The following LMBR1 variants were observed in gnomAD, a reference collection of about 807,000 sequenced individuals.
LMBR1 encodes limb development membrane protein 1.
A neutral mutation model predicts 73.9 loss-of-function variants in LMBR1; 52 were observed. The observed-to-expected ratio is 0.70, with a 90% CI of 0.56 to 0.89. The LOEUF is 0.89. LMBR1 is among the 40% of genes least tolerant of loss of function. The pLI is 0.00. For synonymous variants in LMBR1, 215 were observed against 209.4 expected (o/e 1.03, Z -0.23); for missense variants, 539 against 579.8 (o/e 0.93, Z 0.72).
At chr7:156,698,807 AT>A (rs1330799936) in intron 15 of LMBR1, among the ~76,000 whole-genome samples, 2 of 152,060 alleles carry the variant, frequency 1.3e-5, no homozygotes, top group African/African-American at 4.8e-5. Context: ...TTTCCCCATT[AT>A]CTTGGTGATT....
intron 4 of LMBR1, among the ~76,000 whole-genome samples, chr7:156,824,086 T>C (rs1835233387): frequency 7.2e-6 from 1 of 138,534 alleles, no homozygotes. Flanking sequence ...AGAGACTCCA[T>C]CTCAAAAAAC....
intron 9 of LMBR1, among the ~76,000 whole-genome samples, chr7:156,737,948 T>C (rs1037029466): frequency 7.9e-5 from 12 of 152,108 alleles, no homozygotes; most frequent in Non-Finnish European, 1.8e-4. Context: ...CCTCTACCGA[T>C]TGTCCCTGCT....
At chr7:156,796,791 C>T (rs1373459443) in intron 4 of LMBR1, among the ~76,000 whole-genome samples, 1 of 151,970 alleles carries the variant, frequency 6.6e-6, no homozygotes, top group African/African-American at 2.4e-5. Context: ...CATATAGGCA[C>T]CGGAATATTT....
intron 10 of LMBR1, chr7:156,733,960 T>C: frequency 2.8e-6 from 1 of 358,360 alleles, no homozygotes. Flanking sequence ...TGTGAACCTT[T>C]GAAAAGTCAT....
At chr7:156,803,870 A>T (rs1409660531) in intron 4 of LMBR1, among the ~76,000 whole-genome samples, 1 of 151,732 alleles carries the variant, frequency 6.6e-6, no homozygotes, top group Non-Finnish European at 1.5e-5. Flanking sequence ...GGAACCCATC[A>T]TTCTCAGCAA....
At chr7:156,840,880 G>A (rs991002140) in intron 1 of LMBR1, among the ~76,000 whole-genome samples, 3 of 150,420 alleles carry the variant, frequency 2.0e-5, no homozygotes, top group Non-Finnish European at 4.4e-5. Flanking sequence ...CAGGAGAATG[G>A]CGTGAACCTG....
intron 1 of LMBR1, among the ~76,000 whole-genome samples, chr7:156,857,759 C>A (rs1797169820): frequency 6.6e-6 from 1 of 152,122 alleles, no homozygotes; most frequent in African/African-American, 2.4e-5. Flanking sequence ...AACAACTATG[C>A]TCTCAGATCA....
At chr7:156,824,559 T>C (rs192775971) in intron 4 of LMBR1, among the ~76,000 whole-genome samples, 1 of 152,148 alleles carries the variant, frequency 6.6e-6, no homozygotes, top group African/African-American at 2.4e-5. Context: ...GTGTCACACA[T>C]AAAAAGTGAC....
chr7:156,876,160 T>C (rs529098974), intron 1 of LMBR1, among the ~76,000 whole-genome samples: 2 of 152,240 alleles, frequency 1.3e-5, no homozygotes, highest in African/African-American at 4.8e-5. Context: ...AAGTGAGCAG[T>C]AGTAGCTATT....
At chr7:156,704,016 T>C (rs1189131522) in intron 15 of LMBR1, among the ~76,000 whole-genome samples, 2 of 152,052 alleles carry the variant, frequency 1.3e-5, no homozygotes, top group African/African-American at 2.4e-5. Flanking sequence ...TAGAAGATCA[T>C]TGCACAACCA....
intron 1 of LMBR1, among the ~76,000 whole-genome samples, chr7:156,849,672 G>A (rs1036115809): frequency 6.6e-6 from 1 of 152,182 alleles, no homozygotes; most frequent in Non-Finnish European, 1.5e-5. Flanking sequence ...GTTGCCAGGG[G>A]TTGAGGGGAG....
At position 156,880,215 on chromosome 7, in the gene LMBR1, G is replaced by A. The variant is rs1800871164; in HGVS notation, c.66+12713C>T. ...ATTCACAACAACCTGGATGGGATTG[G>A]AGACTATTATTCTAAGTGAATTAAC... On this transcript the variant is annotated intron_variant, in intron 1 of 16. Transcript: ENST00000353442. 2.0e-5 allele frequency among the ~76,000 whole-genome samples: 3 copies of A among 152,194 alleles called. No individual in the cohort carries two copies. In the South Asian group the frequency reaches 6.2e-4, roughly 32 times the overall value.
chr7:156,859,389 A>C (rs1425676522), intron 1 of LMBR1, among the ~76,000 whole-genome samples: 1 of 152,222 alleles, frequency 6.6e-6, no homozygotes, highest in African/African-American at 2.4e-5. Context: ...AAAGGCATAC[A>C]TATTTGGAAG....
chr7:156,758,751 A>G (rs1441723248), intron 8 of LMBR1, among the ~76,000 whole-genome samples: 1 of 152,212 alleles, frequency 6.6e-6, no homozygotes, highest in Non-Finnish European at 1.5e-5. Context: ...CTGCAGAACC[A>G]TAAGCCAAAT....
intron 3 of LMBR1, among the ~76,000 whole-genome samples, chr7:156,830,223 AAAAT>A (rs1836435144): frequency 6.6e-6 from 1 of 152,220 alleles, no homozygotes; most frequent in Non-Finnish European, 1.5e-5. Flanking sequence ...TTTTAAACAA[AAAAT>A]AAATGCTTTT....
At chr7:156,672,969 C>T (rs1802909537), downstream of LMBR1, among the ~76,000 whole-genome samples, 1 of 152,244 alleles carries the variant, frequency 6.6e-6, no homozygotes, top group Admixed American at 6.5e-5. Flanking sequence ...GCAGGGCTCA[C>T]CCCGCGGACT....
At chr7:156,833,604 T>C (rs1354669950) in intron 3 of LMBR1, 149 bp downstream of exon 3, 1 of 537,574 alleles carries the variant, frequency 1.9e-6, no homozygotes, top group Non-Finnish European at 3.2e-6. Context: ...CATATTTGCT[T>C]ACATGTGCTT....
At chr7:156,781,708 C>A (rs562031892) in intron 5 of LMBR1, among the ~76,000 whole-genome samples, 5 of 152,236 alleles carry the variant, frequency 3.3e-5, no homozygotes, top group African/African-American at 4.8e-5. Flanking sequence ...CCAACTAGAA[C>A]AAACATTACC....
chr7:156,855,424 G>A (rs1002491445), intron 1 of LMBR1, among the ~76,000 whole-genome samples: 35 of 152,010 alleles, frequency 2.3e-4, no homozygotes, highest in African/African-American at 8.2e-4. Context: ...TAGAAGATAT[G>A]TCAATGGAAA....
Sources: gnomAD v4.1 joint callset for allele counts (sites outside exome capture counted in the v4.1 genomes callset) on GRCh38, gnomAD v4.1.1 for gene constraint, MANE v1.5 for transcripts, NCBI Gene and HGNC (gene_info 2026-07-23, HGNC 2026-07-21) for gene names.